The following PIGG variants were observed in gnomAD, a reference collection of about 807,000 sequenced individuals.
PIGG encodes phosphatidylinositol glycan anchor biosynthesis class G (EMM blood group).
Under a neutral mutation model 83.2 loss-of-function variants are expected in PIGG, and 70 were observed. The ratio of observed to expected loss-of-function variants is 0.84; its 90% CI spans 0.69 to 1.03. The LOEUF is 1.03. PIGG is among the 50% of genes least tolerant of loss of function. The probability of loss-of-function intolerance (pLI) is 0.00; values close to 1 mark genes in which losing one functional copy is unlikely to be tolerated. For missense variants in PIGG, 1,257 were observed against 1,233.6 expected, an observed-to-expected ratio of 1.02 and a Z score of -0.28; for synonymous variants, 532 against 519.5, an observed-to-expected ratio of 1.02 and a Z score of -0.33.
intron 4 of PIGG, among the ~76,000 whole-genome samples, chr4:508,327 C>T (rs1459242787): frequency 4.6e-5 from 7 of 152,346 alleles, no homozygotes; most frequent in African/African-American, 1.7e-4. Flanking sequence ...GGACCAGCAG[C>T]GAGGGTCAGG....
rs1553875071 is a variant in PIGG, at chr4:500,462, A to G, written c.221A>G (p.Asp74Gly). The change falls in exon 2 of 13, where the codon GAT (aspartate) becomes GGT (glycine). Residue 74 changes from aspartate to glycine, a missense_variant. Coordinates refer to ENST00000453061, the MANE Select transcript of PIGG (RefSeq NM_001127178.3). ...LFSKVVIVLI[D>G]ALRDDFVFGS... ...AGTAAAGTTGTTATTGTTCTGATAG[A>G]TGCCTTGAGAGATGATTTTGTGTTT... The G allele has an allele frequency of 1.2e-6, 2 of 1,613,692 alleles. No individual in the cohort carries two copies. The highest frequency in any genetic ancestry group is 1.7e-5 in the Admixed American group (1 of 59,998).
intron 12 of PIGG, among the ~76,000 whole-genome samples, chr4:538,210 T>G (rs1227264698): frequency 6.6e-6 from 1 of 152,106 alleles, no homozygotes; most frequent in Non-Finnish European, 1.5e-5. Flanking sequence ...AGGTCATGGA[T>G]GAGGCATGGA....
intron 6 of PIGG, among the ~76,000 whole-genome samples, chr4:520,044 G>T (rs974399432): frequency 6.6e-6 from 1 of 152,182 alleles, no homozygotes; most frequent in African/African-American, 2.4e-5. Context: ...GCCTGCAGGC[G>T]TATGAGTTCA....
chr4:537,430 A>G (rs531871410), intron 12 of PIGG: 1 of 147,734 alleles, frequency 6.8e-6, no homozygotes, highest in African/African-American at 2.6e-5. Context: ...CAGCTTCCCC[A>G]TGCGCTGTCT....
intron 11 of PIGG, chr4:531,581 C>G (rs1186645270): frequency 6.5e-6 from 1 of 152,688 alleles, no homozygotes; most frequent in African/African-American, 2.4e-5. Flanking sequence ...TCCTGGTGCT[C>G]CCAGCCTTTC....
Position 499,307 on chromosome 4 carries a change from G to A in PIGG, c.-29G>A, listed in dbSNP as rs782708485. On this transcript the variant is annotated 5_prime_UTR_variant, in exon 1 of 13. Transcript: ENST00000453061. Reference sequence around the variant, plus strand: ...GCAGGGCGAGGCTCCAGGTGGGGTCGGTTCCGCATCCAGCCTAGCGTGTCC... The same window carrying A: ...GCAGGGCGAGGCTCCAGGTGGGGTCAGTTCCGCATCCAGCCTAGCGTGTCC... 4 of 1,599,814 alleles carry A rather than the reference G, an allele frequency of 2.5e-6. No individual in the cohort carries two copies. The highest frequency in any genetic ancestry group is 2.7e-5 in the African/African-American group (2 of 74,942).
chr4:538,013 G>A (rs774954678), intron 12 of PIGG, among the ~76,000 whole-genome samples: 5 of 150,082 alleles, frequency 3.3e-5, no homozygotes, highest in Non-Finnish European at 5.9e-5. Flanking sequence ...CATACGTGCC[G>A]ACAGGACTGA....
intron 1 of PIGG, 107 bp downstream of exon 1, chr4:499,596 C>A: frequency 1.4e-6 from 2 of 1,444,046 alleles, no homozygotes; most frequent in South Asian, 2.9e-5. Context: ...CCCCGGTGGT[C>A]TCTTCCATTA....
chr4:521,615 C>T (rs768531789), intron 7 of PIGG, 45 bp from the exon 8 acceptor site: 2 of 1,590,450 alleles, frequency 1.3e-6, no homozygotes, highest in Non-Finnish European at 1.7e-6. Flanking sequence ...AAGTGGGTTT[C>T]TCCAAGCCCA....
chr4:505,618 G>T (rs1719370565), intron 2 of PIGG, 100 bp from the exon 3 acceptor site: 9 of 791,096 alleles, frequency 1.1e-5, no homozygotes. Context: ...GAGCAACAGA[G>T]AGGGACCCTG....
chr4:512,712 C>G (rs896082449), intron 5 of PIGG, among the ~76,000 whole-genome samples: 7 of 151,690 alleles, frequency 4.6e-5, no homozygotes, highest in African/African-American at 9.7e-5. Flanking sequence ...CTACTCAGGA[C>G]GCTGAGGCAG....
chr4:518,003 G>T (rs1295078127), intron 6 of PIGG, among the ~76,000 whole-genome samples: 3 of 152,156 alleles, frequency 2.0e-5, no homozygotes, highest in Non-Finnish European at 4.4e-5. Flanking sequence ...TAGAGTGAAC[G>T]TCCACAAGCT....
intron 2 of PIGG, 96 bp downstream of exon 2, chr4:500,697 G>A: frequency 1.3e-6 from 1 of 786,386 alleles, no homozygotes; most frequent in South Asian, 1.6e-5. Flanking sequence ...GCAATTTTAA[G>A]AAAGTGGAAA....
intron 11 of PIGG, chr4:532,882 G>C (rs1388482397): frequency 4.6e-5 from 7 of 153,322 alleles, no homozygotes; most frequent in African/African-American, 1.7e-4. Flanking sequence ...GGGGAGGCGG[G>C]GCCTGGGAGC....
In PIGG at chr4:523,701, A is replaced by G. The variant is rs573779442; in HGVS notation, c.1857A>G (p.Thr619=). The G allele has an allele frequency of 3.1e-6, 5 of 1,614,234 alleles. No individual in the cohort carries two copies. The South Asian group carries it at 4.4e-5, about 14-fold the overall frequency. Residue 619 remains threonine, a synonymous_variant, in exon 9 of 13, where the codon ACA becomes ACG. Transcript: ENST00000453061. ...TGGAACAAGGGCATGACGGGGCCACAGCAGCGTGGCAGGACGGGCCTGGCT... is the reference window on the plus strand; with the variant it reads ...TGGAACAAGGGCATGACGGGGCCACGGCAGCGTGGCAGGACGGGCCTGGCT... ...LCVEQGHDGA[T]AAWQDGPGCD...
Position 528,434 on chromosome 4 carries a change from G to A in PIGG, c.2261+1204G>A. ...GGCCAGCCTGAGGGGTGGCCGTGGGGCTCCGGGGGCACCCCTGGAAGTACT... is the reference window on the plus strand; with the variant it reads ...GGCCAGCCTGAGGGGTGGCCGTGGGACTCCGGGGGCACCCCTGGAAGTACT... On this transcript the variant is annotated intron_variant, in intron 10 of 12. Coordinates refer to ENST00000453061, the MANE Select transcript of PIGG (RefSeq NM_001127178.3). The surrounding 1 kb of genome is among the most constrained non-coding windows in gnomAD (Gnocchi z 4.8). 1 of 985,392 alleles carries A rather than the reference G, an allele frequency of 1.0e-6. No homozygotes were observed. The highest frequency in any genetic ancestry group is 4.7e-5 in the South Asian group (1 of 21,284). 61.0% of individuals were successfully genotyped at this position (985,392 alleles called of 1,614,324 possible).
chr4:514,285 A>G (rs1192170762), intron 5 of PIGG, among the ~76,000 whole-genome samples: 2 of 152,202 alleles, frequency 1.3e-5, no homozygotes, highest in Non-Finnish European at 2.9e-5. Flanking sequence ...CATTTAAAAA[A>G]TAGTGTTAAT....
At position 515,960 on chromosome 4, in the gene PIGG, T is replaced by G; in HGVS notation, c.902-13T>G. 6.2e-7 allele frequency: 1 copy of G among 1,606,074 alleles called. No homozygotes were observed. The highest frequency in any genetic ancestry group is 8.5e-7 in the Non-Finnish European group (1 of 1,172,686). On this transcript the variant is annotated splice_polypyrimidine_tract_variant and intron_variant, in intron 5 of 12. Transcript: ENST00000453061. The surrounding 1 kb of genome is among the most constrained non-coding windows in gnomAD (Gnocchi z 4.2). ...CTAGAAGTCTGTTACTTAAAATGTT[T>G]TCTTTCTTCTAGGTGATATCCGACA...
chr4:521,019 T>G, intron 6 of PIGG, 37 bp from the exon 7 acceptor site: 2 of 1,355,802 alleles, frequency 1.5e-6, no homozygotes, highest in Non-Finnish European at 2.1e-6. Flanking sequence ...GTTCACGGTG[T>G]GTGTGCGCGC....
Sources: allele counts gnomAD v4.1 joint callset (sites outside exome capture counted in the v4.1 genomes callset), GRCh38; gene constraint gnomAD v4.1.1; non-coding constraint Gnocchi (gnomAD v3.1); transcripts MANE v1.5; gene names NCBI Gene and HGNC (gene_info 2026-07-23, HGNC 2026-07-21).